TBC1D12: variants seen among roughly 807,000 people sequenced by gnomAD.
TBC1D12 encodes the protein TBC1 domain family member 12, also known as TBC1 domain family, member 12.
Under a neutral mutation model 86.7 loss-of-function variants are expected in TBC1D12, and 56 were observed. The ratio of observed to expected loss-of-function variants is 0.65; its 90% CI spans 0.52 to 0.81. TBC1D12 has a LOEUF of 0.81. TBC1D12 is among the 30% of genes least tolerant of loss of function. The pLI is 0.00. For synonymous variants in TBC1D12, 421 were observed against 411.7 expected, an observed-to-expected ratio of 1.02 and a Z score of -0.27; for missense variants, 1,023 against 1,038.8, an observed-to-expected ratio of 0.98 and a Z score of 0.21.
At chr10:94,410,278 A>T (rs548420094) in intron 1 of TBC1D12, among the ~76,000 whole-genome samples, 6 of 152,270 alleles carry the variant, frequency 3.9e-5, no homozygotes, top group African/African-American at 1.2e-4. Context: ...TTCACTGCAC[A>T]CTATTTAGGG....
intron 3 of TBC1D12, among the ~76,000 whole-genome samples, chr10:94,477,553 C>T (rs1484225623): frequency 3.3e-5 from 5 of 152,180 alleles, no homozygotes; most frequent in African/African-American, 1.2e-4. Flanking sequence ...TTATCTCCCT[C>T]AGAATACTCT....
intron 6 of TBC1D12, among the ~76,000 whole-genome samples, chr10:94,506,450 T>C (rs757238625): frequency 2.0e-5 from 3 of 152,246 alleles, no homozygotes; most frequent in Non-Finnish European, 2.9e-5. Context: ...ATATAAACTT[T>C]GGTGTTTGGG....
chr10:94,449,425 A>C (rs975906678), intron 2 of TBC1D12, among the ~76,000 whole-genome samples: 16 of 152,178 alleles, frequency 1.1e-4, no homozygotes, highest in African/African-American at 3.9e-4. Context: ...TTGTCTCCTA[A>C]TTCATAGATC....
rs978314080 is a variant in TBC1D12 at position 94,534,219 on chromosome 10, A to G, written c.*1123A>G. 6.6e-6 allele frequency: 1 copy of G among 152,174 alleles called. No individual in the cohort carries two copies. The highest frequency in any genetic ancestry group is 2.4e-5 in the African/African-American group (1 of 41,452). 9.4% of individuals were successfully genotyped at this position (152,174 alleles called of 1,614,324 possible). A position where few individuals can be genotyped will look rare whatever the true frequency, so the allele number is the denominator to read the frequency against. On this transcript the variant is annotated 3_prime_UTR_variant, in exon 13 of 13. Transcript: ENST00000225235. The stretch of plus-strand genomic sequence containing the variant: ...GATTAGTCTTGTTATTGATTCTTTT[A>G]TGTGTCAGTGCCATCTTAATCTCTT...
intron 11 of TBC1D12, among the ~76,000 whole-genome samples, chr10:94,523,222 A>T (rs975212555): frequency 7.0e-6 from 1 of 143,516 alleles, no homozygotes; most frequent in South Asian, 2.3e-4. Context: ...AAAAAAGAGC[A>T]TAGACTCTGG....
chr10:94,432,659 T>G (rs2055233776), intron 1 of TBC1D12, among the ~76,000 whole-genome samples: 1 of 152,208 alleles, frequency 6.6e-6, no homozygotes, highest in Non-Finnish European at 1.5e-5. Context: ...GATGCATAAA[T>G]TTAAGTTATT....
At chr10:94,526,045 T>C (rs1842279848) in intron 11 of TBC1D12, among the ~76,000 whole-genome samples, 1 of 152,226 alleles carries the variant, frequency 6.6e-6, no homozygotes, top group Admixed American at 6.5e-5. Context: ...CCTATGTGGC[T>C]GTAATTTTGT....
chr10:94,446,720 A>G (rs1054408727), intron 2 of TBC1D12, among the ~76,000 whole-genome samples: 2 of 152,116 alleles, frequency 1.3e-5, no homozygotes, highest in African/African-American at 4.8e-5. Context: ...ATGTTATTAA[A>G]CCAAACATTT....
At chr10:94,443,690 C>T (rs748761985) in intron 2 of TBC1D12, among the ~76,000 whole-genome samples, 33 of 152,266 alleles carry the variant, frequency 2.2e-4, no homozygotes, top group African/African-American at 7.2e-4. Flanking sequence ...CTACTACATA[C>T]TTTTCTGTGG....
chr10:94,495,831 C>A (rs951723020), intron 4 of TBC1D12, among the ~76,000 whole-genome samples: 2 of 151,878 alleles, frequency 1.3e-5, no homozygotes, highest in Admixed American at 1.3e-4. Context: ...CGGCCAGATG[C>A]GGTAGCTCAC....
At chr10:94,445,805 A>G (rs2055453528) in intron 2 of TBC1D12, among the ~76,000 whole-genome samples, 1 of 151,832 alleles carries the variant, frequency 6.6e-6, no homozygotes, top group African/African-American at 2.4e-5. Flanking sequence ...AAAATTAGCT[A>G]GGTGTGGTGG....
intron 9 of TBC1D12, among the ~76,000 whole-genome samples, chr10:94,515,580 C>T (rs1054655836): frequency 7.3e-5 from 11 of 151,632 alleles, no homozygotes; most frequent in Non-Finnish European, 1.5e-4. Flanking sequence ...AACTCCTGAC[C>T]TCAGGCGATC....
intron 3 of TBC1D12, among the ~76,000 whole-genome samples, chr10:94,481,727 C>T (rs570907563): frequency 8.6e-5 from 13 of 151,088 alleles, no homozygotes; most frequent in African/African-American, 2.4e-4. Flanking sequence ...CCTTCAAGAA[C>T]TTTACCATTA....
At chr10:94,432,271 C>T (rs533658214) in intron 1 of TBC1D12, among the ~76,000 whole-genome samples, 7 of 152,002 alleles carry the variant, frequency 4.6e-5, no homozygotes, top group African/African-American at 1.2e-4. Context: ...AGGGATGGGG[C>T]GTCAAAAGAT....
intron 2 of TBC1D12, among the ~76,000 whole-genome samples, chr10:94,458,654 A>T (rs1266110618): frequency 6.6e-6 from 1 of 151,982 alleles, no homozygotes; most frequent in African/African-American, 2.4e-5. Context: ...TGATGTTTGG[A>T]TGTGTCTGAG....
intron 6 of TBC1D12, 94 bp from the exon 7 acceptor site, chr10:94,507,173 C>T: frequency 8.2e-7 from 1 of 1,220,142 alleles, no homozygotes; most frequent in Middle Eastern, 1.9e-4. Context: ...ATCAGAGAGA[C>T]CTGACCTGTA....
rs1053890646 is a variant in TBC1D12, at chr10:94,403,150, C to G, written c.537C>G (p.Asp179Glu). ...GCCTTCGCCTGGAGGGGCCTGGCGA[C>G]GAGGACGCGGACGGCGCGGGAAGCC... Reference protein sequence around the residue: ...YGRLRLEGPGDEDADGAGSPS... With the variant: ...YGRLRLEGPGEEDADGAGSPS... The change falls in exon 1 of 13, where the codon GAC becomes GAG. Residue 179 changes from aspartate (D) to glutamate (E), a missense_variant. Physicochemically the swap from Asp to Glu is conservative, Grantham distance 45 (BLOSUM62 2). This residue lies in a region of TBC1D12 where 628 missense variants were observed against 531.1 expected (regional missense o/e 1.18). Transcript: ENST00000225235. The G allele has an allele frequency of 1.4e-6, 2 of 1,428,378 alleles. No homozygotes were observed. Among genetic ancestry groups the G allele is most frequent in the Non-Finnish European group, 1.8e-6 (2 of 1,097,116 alleles). 88.5% of individuals were successfully genotyped at this position (1,428,378 alleles called of 1,614,324 possible). A position where few individuals can be genotyped will look rare whatever the true frequency, so the allele number is the denominator to read the frequency against.
At chr10:94,431,732 G>A (rs1362051813) in intron 1 of TBC1D12, among the ~76,000 whole-genome samples, 1 of 152,182 alleles carries the variant, frequency 6.6e-6, no homozygotes, top group Admixed American at 6.5e-5. Flanking sequence ...AACACAGCAG[G>A]TCTTTCCTGT....
intron 1 of TBC1D12, among the ~76,000 whole-genome samples, chr10:94,430,040 A>G (rs1212765657): frequency 1.3e-5 from 2 of 152,036 alleles, no homozygotes; most frequent in East Asian, 3.9e-4. Flanking sequence ...CCAGCCGAAA[A>G]GTATTCTATC....
Sources: gnomAD v4.1 joint callset for allele counts (sites outside exome capture counted in the v4.1 genomes callset) on GRCh38, gnomAD v4.1.1 for gene constraint, gnomAD v4.1.1 regional missense constraint, MANE v1.5 for transcripts, NCBI Gene and HGNC (gene_info 2026-07-23, HGNC 2026-07-21) for gene names.